ERGIC3: variants seen among roughly 807,000 people sequenced by gnomAD.
ERGIC3 encodes the protein ERGIC and golgi 3.
ERGIC3 carries 33 observed loss-of-function variants against 54.7 expected under a neutral mutation model. That is an observed-to-expected ratio of 0.60 (90% CI 0.46 to 0.81). ERGIC3 has a LOEUF of 0.81. Among genes scored for constraint, ERGIC3 ranks in the 30% least tolerant of loss-of-function variants. The probability of loss-of-function intolerance (pLI) is 0.00; values close to 1 mark genes in which losing one functional copy is unlikely to be tolerated. For synonymous variants in ERGIC3, 186 were observed against 189.8 expected, an observed-to-expected ratio of 0.98 and a Z score of 0.16; for missense variants, 399 against 488.4, an observed-to-expected ratio of 0.82 and a Z score of 1.73.
chr20:35,549,196 G>T, intron 7 of ERGIC3: 2 of 483,780 alleles, frequency 4.1e-6, no homozygotes, highest in South Asian at 3.1e-5. Flanking sequence ...ATAGCACGGA[G>T]CCTGGCTTGT....
At chr20:35,547,681 A>T (rs1383523017) in intron 5 of ERGIC3, among the ~76,000 whole-genome samples, 176 bp downstream of exon 5, 3 of 152,152 alleles carry the variant, frequency 2.0e-5, no homozygotes, top group Admixed American at 2.0e-4. Flanking sequence ...ACCAGGCCCT[A>T]TCTGGGAGCT....
chr20:35,542,814 G>C lies in ERGIC3; in HGVS notation c.248-8G>C. 1 of 1,614,046 alleles carries C rather than the reference G, an allele frequency of 6.2e-7. No individual in the cohort carries two copies. The highest frequency in any genetic ancestry group is 8.5e-7 in the Non-Finnish European group (1 of 1,180,022). ...CCCAGTACCTTAGCCTGATTTTCCTGCTTCCAGATCTGAGTATTGATGCCA... is the reference window on the plus strand; with the variant it reads ...CCCAGTACCTTAGCCTGATTTTCCTCCTTCCAGATCTGAGTATTGATGCCA... On this transcript the variant is annotated splice_polypyrimidine_tract_variant and splice_region_variant and intron_variant, in intron 3 of 12. Transcript: ENST00000348547.
chr20:35,556,073 A>G lies in ERGIC3; in HGVS notation c.758A>G (p.Glu253Gly). 1 of 1,614,160 alleles carries G rather than the reference A, an allele frequency of 6.2e-7. No individual in the cohort carries two copies. The highest frequency in any genetic ancestry group is 1.1e-5 in the South Asian group (1 of 91,088). The change falls in exon 9 of 13, where the codon GAG (glutamate) becomes GGG (glycine). Residue 253 changes from glutamate to glycine, a missense_variant. Transcript: ENST00000348547. ...THYIQHLSFGEDYPGIVNPLD... is the reference protein window; with the variant it reads ...THYIQHLSFGGDYPGIVNPLD... ...TACATCCAGCACCTGTCATTTGGGG[A>G]GGACTATCCAGGCATTGTGAACCCC... is the stretch of plus-strand genomic sequence containing the variant.
chr20:35,552,030 A>G (rs1350269687), intron 7 of ERGIC3, among the ~76,000 whole-genome samples: 1 of 152,190 alleles, frequency 6.6e-6, no homozygotes, highest in Non-Finnish European at 1.5e-5. Flanking sequence ...AGCATAAGTG[A>G]TGCTCCAGAG....
chr20:35,555,952 A>T, intron 8 of ERGIC3, 81 bp from the exon 9 acceptor site: 5 of 1,338,712 alleles, frequency 3.7e-6, no homozygotes, highest in Non-Finnish European at 5.3e-6. Context: ...TTCCTCCCAC[A>T]TCTCCGCAGA....
At position 35,556,978 on chromosome 20, in the gene ERGIC3, G is replaced by A. The variant is rs76270188; in HGVS notation, c.885G>A (p.Leu295=). ...TVYMKVDGEV[L]RTNQFSVTRH... ...AGGCTCCCCTCCCACCCCAGGTACT[G>A]AGGACAAATCAGTTCTCTGTGACCA... is the stretch of plus-strand genomic sequence containing the variant. Residue 295 remains leucine, a synonymous_variant, in exon 11 of 13, where the codon CTG becomes CTA. Coordinates refer to ENST00000348547, the MANE Select transcript of ERGIC3 (RefSeq NM_015966.3). 5.3e-3 allele frequency: 8,529 copies of A among 1,614,166 alleles called. 341 individuals are homozygous for A. In the African/African-American group the frequency reaches 0.097, roughly 18 times the overall value.
At chr20:35,556,166 C>T in intron 9 of ERGIC3, 37 bp downstream of exon 9, 2 of 1,614,074 alleles carry the variant, frequency 1.2e-6, no homozygotes, top group Non-Finnish European at 1.7e-6. Context: ...CCGCAGAAGG[C>T]CGGCCGGGCA....
At chr20:35,544,013 ACTAT>A (rs11468676) in intron 4 of ERGIC3, 80,150 of 187,478 alleles carry the variant, frequency 0.43, 19,799 homozygotes, top group African/African-American at 0.5. Context: ...TGAAGAATCT[ACTAT>A]CTATCTATCT....
chr20:35,549,240 T>C (rs2064668903), intron 7 of ERGIC3: 1 of 473,104 alleles, frequency 2.1e-6, no homozygotes, highest in Non-Finnish European at 4.4e-6. Flanking sequence ...GCCCCCCGTG[T>C]CCGATGATGA....
intron 7 of ERGIC3, among the ~76,000 whole-genome samples, chr20:35,551,978 G>A (rs1278371256): frequency 6.6e-6 from 1 of 152,154 alleles, no homozygotes; most frequent in Admixed American, 6.5e-5. Flanking sequence ...GGAGGGTGAT[G>A]TAGCAGAATG....
In ERGIC3 at chr20:35,543,077, G is replaced by C. The variant is rs1404825068; in HGVS notation, c.367+136G>C. ...TAGAGAAGTCAAGTGACTTGCCTAG[G>C]GTCCCCCAGCTAGTAAGAGTCAGAG... On this transcript the variant is annotated intron_variant, in intron 4 of 12. Coordinates refer to ENST00000348547, the MANE Select transcript of ERGIC3 (RefSeq NM_015966.3). 9.2e-6 allele frequency: 12 copies of C among 1,303,394 alleles called. No individual in the cohort carries two copies. In the East Asian group the frequency reaches 3.0e-4, roughly 33 times the overall value. 80.7% of individuals were successfully genotyped at this position (1,303,394 alleles called of 1,614,324 possible). A position where few individuals can be genotyped will look rare whatever the true frequency, so the allele number is the denominator to read the frequency against.
At chr20:35,543,371 TGGG>T in intron 4 of ERGIC3, 1 of 335,720 alleles carries the variant, frequency 3.0e-6, no homozygotes, top group South Asian at 2.4e-5. Flanking sequence ...TCAGATTGCC[TGGG>T]TTCACATCTA....
chr20:35,550,169 CAGTG>C (rs1412630563), intron 7 of ERGIC3, among the ~76,000 whole-genome samples: 3 of 151,834 alleles, frequency 2.0e-5, no homozygotes, highest in Admixed American at 6.6e-5. Context: ...GACCTGAAGA[CAGTG>C]AGGGAGCCAG....
At chr20:35,554,089 T>G (rs2064698290) in intron 7 of ERGIC3, among the ~76,000 whole-genome samples, 1 of 152,166 alleles carries the variant, frequency 6.6e-6, no homozygotes, top group Non-Finnish European at 1.5e-5. Flanking sequence ...AGGAGAACAC[T>G]GAGGCCCAGA....
chr20:35,546,044 A>G (rs1020484528), intron 4 of ERGIC3, among the ~76,000 whole-genome samples: 1 of 152,332 alleles, frequency 6.6e-6, no homozygotes, highest in Admixed American at 6.5e-5. Flanking sequence ...TAGAAGAACC[A>G]AGAGGTGTCC....
chr20:35,553,287 T>G (rs1257412734), intron 7 of ERGIC3, among the ~76,000 whole-genome samples: 1 of 151,218 alleles, frequency 6.6e-6, no homozygotes, highest in East Asian at 1.9e-4. Context: ...TGAGCCATTG[T>G]GCATTTTTAA....
At chr20:35,543,423 T>G (rs990742171) in intron 4 of ERGIC3, 8 of 343,590 alleles carry the variant, frequency 2.3e-5, no homozygotes, top group African/African-American at 1.7e-4. Context: ...AGCTAGAAAG[T>G]GGTAATAAAA....
chr20:35,555,895 G>T (rs1280937257), intron 8 of ERGIC3, 138 bp from the exon 9 acceptor site: 1 of 728,518 alleles, frequency 1.4e-6, no homozygotes, highest in Non-Finnish European at 2.3e-6. Flanking sequence ...AGGGAATGGG[G>T]GATTCTTATC....
chr20:35,551,712 C>T (rs913779917), intron 7 of ERGIC3, among the ~76,000 whole-genome samples: 2 of 152,144 alleles, frequency 1.3e-5, no homozygotes, highest in South Asian at 2.1e-4. Context: ...CAGCCACGGA[C>T]GGGTGTTTCA....
Sources: allele counts gnomAD v4.1 joint callset (sites outside exome capture counted in the v4.1 genomes callset), GRCh38; gene constraint gnomAD v4.1.1; transcripts MANE v1.5; gene names NCBI Gene and HGNC (gene_info 2026-07-23, HGNC 2026-07-21).